The following ARHGAP28 variants were observed in gnomAD, a reference collection of about 807,000 sequenced individuals.
The protein encoded by ARHGAP28 is Rho GTPase activating protein 28, also known as rho GTPase-activating protein 28.
Under a neutral mutation model 90.7 loss-of-function variants are expected in ARHGAP28, and 56 were observed. That is an observed-to-expected ratio of 0.62 (90% CI 0.50 to 0.77). The LOEUF (loss-of-function observed/expected upper bound fraction) is 0.77. ARHGAP28 is among the 30% of genes least tolerant of loss of function. The pLI is 0.00. For missense variants in ARHGAP28, 869 were observed against 900.9 expected (o/e 0.96, Z 0.45); for synonymous variants, 308 against 323.3 (o/e 0.95, Z 0.51).
At chr18:6,788,747 GA>G (rs2143538804) in intron 1 of ARHGAP28, 1 of 152,538 alleles carries the variant, frequency 6.6e-6, no homozygotes, top group Non-Finnish European at 1.5e-5. Context: ...TTACAGGTAT[GA>G]GCCACCACGC....
At chr18:6,810,053 GT>G (rs1043269654) in intron 1 of ARHGAP28, among the ~76,000 whole-genome samples, 27 of 152,124 alleles carry the variant, frequency 1.8e-4, no homozygotes, top group African/African-American at 6.5e-4. Context: ...GAGAAATTTA[GT>G]TTTTTCCTTT....
intron 2 of ARHGAP28, among the ~76,000 whole-genome samples, chr18:6,827,911 C>T (rs1294453251): frequency 3.3e-5 from 5 of 151,338 alleles, no homozygotes; most frequent in South Asian, 2.1e-4. Flanking sequence ...GATGGGATGG[C>T]GGCCGGGCAG....
rs5822929 is a variant in ARHGAP28 at position 6,893,867 on chromosome 18, G to GTTTT, written c.1849-954_1849-951dup. Among the ~76,000 whole-genome samples the GTTTT allele has an allele frequency of 7.6e-5, 10 of 130,806 alleles. 1 individual carries two copies. The highest frequency in any genetic ancestry group is 1.3e-4 in the Non-Finnish European group (8 of 63,880). 85.8% of individuals were successfully genotyped at this position (130,806 alleles called of 152,430 possible). On this transcript the variant is annotated intron_variant, in intron 14 of 17. Coordinates refer to ENST00000383472, the MANE Select transcript of ARHGAP28 (RefSeq NM_001366230.1). ...TACTATTGTACTATATTGCTTTTTG[G>GTTTT]TTTTTTTTTTTTTTTTTGAGATAGA...
intron 1 of ARHGAP28, among the ~76,000 whole-genome samples, chr18:6,822,990 C>T (rs1303969968): frequency 6.6e-6 from 1 of 152,172 alleles, no homozygotes; most frequent in Non-Finnish European, 1.5e-5. Flanking sequence ...TGTCCTAAGT[C>T]GTCATAAAAC....
At position 6,864,026 on chromosome 18, in the gene ARHGAP28, G is replaced by A. The variant is rs189008228; in HGVS notation, c.727-4124G>A. ...TCTTGAACTCCTGACCTCAGGTGGC[G>A]TGAGCCACCACGCCTGGCTTGTTTA... On this transcript the variant is annotated intron_variant, in intron 5 of 17. Coordinates refer to ENST00000383472, the MANE Select transcript of ARHGAP28 (RefSeq NM_001366230.1). 4.5e-3 allele frequency among the ~76,000 whole-genome samples: 680 copies of A among 151,420 alleles called. 6 individuals are homozygous for A. Among genetic ancestry groups the A allele is most frequent in the African/African-American group, 0.016 (649 of 41,360 alleles).
chr18:6,824,019 G>A (rs192562605), intron 1 of ARHGAP28, among the ~76,000 whole-genome samples: 47 of 152,190 alleles, frequency 3.1e-4, no homozygotes, highest in African/African-American at 1.1e-3. Context: ...GTTCACCAAC[G>A]CTTGTGATTA....
In ARHGAP28 at chr18:6,894,863, T is replaced by C; in HGVS notation, c.1877T>C (p.Leu626Pro). The change falls in exon 15 of 18, where the codon CTG (leucine) becomes CCG (proline). Residue 626 changes from leucine (L) to proline (P), a missense_variant. By Grantham distance (98) the Leu-to-Pro change is moderately conservative (BLOSUM62 -3). Coordinates refer to ENST00000383472, the MANE Select transcript of ARHGAP28 (RefSeq NM_001366230.1). Reference sequence around the variant, plus strand: ...GCAAGCCCCAAGACTTCAAAGGTACTGCAAAAATCACCCTCGGCAAGACGA... The same window carrying C: ...GCAAGCCCCAAGACTTCAAAGGTACCGCAAAAATCACCCTCGGCAAGACGA... Reference protein sequence around the residue: ...ETASPKTSKVLQKSPSARRMS... With the variant: ...ETASPKTSKVPQKSPSARRMS... 1 of 1,614,134 alleles carries C rather than the reference T, an allele frequency of 6.2e-7. No homozygotes were observed. The highest frequency in any genetic ancestry group is 1.7e-5 in the Admixed American group (1 of 60,008).
At chr18:6,837,530 C>A in intron 3 of ARHGAP28, 116 bp downstream of exon 3, 1 of 787,968 alleles carries the variant, frequency 1.3e-6, no homozygotes, top group Non-Finnish European at 2.0e-6. Flanking sequence ...TCCATTCTAA[C>A]TTTTTGAGAA....
At chr18:6,889,854 T>TATG in intron 12 of ARHGAP28, 34 bp from the exon 13 acceptor site, 2 of 1,603,402 alleles carry the variant, frequency 1.2e-6, no homozygotes, top group Non-Finnish European at 1.7e-6. Flanking sequence ...TTTGACAGTG[T>TATG]ACAATTGTAT....
intron 11 of ARHGAP28, among the ~76,000 whole-genome samples, chr18:6,886,903 A>C (rs1282764283): frequency 6.6e-6 from 1 of 152,198 alleles, no homozygotes; most frequent in Non-Finnish European, 1.5e-5. Flanking sequence ...GGGAAGTGCT[A>C]TCCAAATCCA....
chr18:6,793,238 G>A (rs976487508), intron 1 of ARHGAP28, among the ~76,000 whole-genome samples: 2 of 152,174 alleles, frequency 1.3e-5, no homozygotes, highest in Non-Finnish European at 2.9e-5. Flanking sequence ...ATTGCAATGG[G>A]CGGTAATTGA....
intron 1 of ARHGAP28, among the ~76,000 whole-genome samples, chr18:6,734,035 CAT>C (rs1281086863): frequency 6.6e-6 from 1 of 152,180 alleles, no homozygotes; most frequent in East Asian, 1.9e-4. Context: ...ACTCACAAGT[CAT>C]AAGTATTTGT....
intron 1 of ARHGAP28, among the ~76,000 whole-genome samples, chr18:6,763,121 T>C (rs1256268503): frequency 6.6e-6 from 1 of 152,082 alleles, no homozygotes; most frequent in Non-Finnish European, 1.5e-5. Flanking sequence ...GATGGAGTCT[T>C]GCACTGTCTC....
chr18:6,789,307 C>T (rs974120828), intron 1 of ARHGAP28: 2 of 152,162 alleles, frequency 1.3e-5, no homozygotes, highest in Non-Finnish European at 2.9e-5. Context: ...TGCGGTGGCT[C>T]ACGTCTGTAA....
chr18:6,854,749 CTG>C (rs2056938943), intron 4 of ARHGAP28, among the ~76,000 whole-genome samples: 1 of 40,378 alleles, frequency 2.5e-5, no homozygotes, highest in Non-Finnish European at 9.5e-5. Flanking sequence ...ACAGCTGCAG[CTG>C]CCCACCTGCA....
intron 1 of ARHGAP28, among the ~76,000 whole-genome samples, chr18:6,770,238 A>G (rs1197721905): frequency 2.0e-5 from 3 of 152,238 alleles, no homozygotes; most frequent in Admixed American, 1.3e-4. Flanking sequence ...CATCAGATAA[A>G]TATTTATTAA....
At chr18:6,877,500 C>T (rs2057140772) in intron 10 of ARHGAP28, among the ~76,000 whole-genome samples, 2 of 152,218 alleles carry the variant, frequency 1.3e-5, no homozygotes, top group South Asian at 4.1e-4. Context: ...AGAAGGGGCC[C>T]ACAGCTGGGA....
chr18:6,873,985 C>T (rs1027411786), intron 9 of ARHGAP28, among the ~76,000 whole-genome samples: 2 of 152,188 alleles, frequency 1.3e-5, no homozygotes, highest in East Asian at 3.8e-4. Context: ...TCTTTTGGAG[C>T]CTGTTACATT....
intron 1 of ARHGAP28, among the ~76,000 whole-genome samples, chr18:6,797,647 T>C (rs997771360): frequency 6.6e-6 from 1 of 151,982 alleles, no homozygotes; most frequent in African/African-American, 2.4e-5. Context: ...TAACTTTAGA[T>C]GATGTTTTTA....
Sources: allele counts gnomAD v4.1 joint callset (sites outside exome capture counted in the v4.1 genomes callset), GRCh38; gene constraint gnomAD v4.1.1; transcripts MANE v1.5; gene names NCBI Gene and HGNC (gene_info 2026-07-23, HGNC 2026-07-21).